Variants in KCND3 observed in about 807,000 individuals in gnomAD.
The protein encoded by KCND3 is A-type voltage-gated potassium channel KCND3.
In KCND3, 9 loss-of-function variants were observed where a neutral mutation model predicts 51.1. The observed-to-expected ratio is 0.18, with a 90% CI of 0.11 to 0.31. The LOEUF is 0.31. Ranked by LOEUF, KCND3 falls within the 10% of genes least tolerant of loss-of-function variation. KCND3 has a pLI of 1.00. For missense variants in KCND3, 526 were observed against 903.8 expected, an observed-to-expected ratio of 0.58 and a Z score of 5.36; for synonymous variants, 349 against 368.0, an observed-to-expected ratio of 0.95 and a Z score of 0.59.
intron 2 of KCND3, among the ~76,000 whole-genome samples, chr1:111,830,344 C>A (rs537075624): frequency 2.0e-5 from 3 of 152,228 alleles, no homozygotes; most frequent in South Asian, 2.1e-4. Context: ...GGGCCCAGTG[C>A]GGTTCCTCAG....
intron 2 of KCND3, among the ~76,000 whole-genome samples, chr1:111,843,553 C>T (rs1667421982): frequency 6.6e-6 from 1 of 152,152 alleles, no homozygotes; most frequent in African/African-American, 2.4e-5. Context: ...GGTGTCCACT[C>T]TTGCCTGGGT....
At chr1:111,785,419 C>A (rs539547577) in intron 3 of KCND3, among the ~76,000 whole-genome samples, 1 of 152,204 alleles carries the variant, frequency 6.6e-6, no homozygotes, top group South Asian at 2.1e-4. Flanking sequence ...GAAACCCTGA[C>A]CTTGGGTGAA....
At chr1:111,804,212 T>C (rs969686664) in intron 2 of KCND3, among the ~76,000 whole-genome samples, 3 of 152,238 alleles carry the variant, frequency 2.0e-5, no homozygotes, top group African/African-American at 7.2e-5. Context: ...GGCCAGGGAC[T>C]CTGCTGTTTC....
chr1:111,920,271 G>GT (rs765438543), intron 2 of KCND3, among the ~76,000 whole-genome samples: 4 of 152,188 alleles, frequency 2.6e-5, no homozygotes, highest in Non-Finnish European at 4.4e-5. Context: ...CCATCTGCAC[G>GT]TGAGTCCTGA....
At chr1:111,890,407 T>C (rs573514698) in intron 2 of KCND3, among the ~76,000 whole-genome samples, 4 of 152,112 alleles carry the variant, frequency 2.6e-5, no homozygotes, top group Admixed American at 1.3e-4. Flanking sequence ...AAGGATGGAG[T>C]TCTCCATCAA....
chr1:111,835,102 G>T (rs1667012214), intron 2 of KCND3, among the ~76,000 whole-genome samples: 1 of 152,202 alleles, frequency 6.6e-6, no homozygotes, highest in South Asian at 2.1e-4. Context: ...AACCTACAGA[G>T]ATTGAGGCAG....
At chr1:111,869,339 T>C (rs1668733648) in intron 2 of KCND3, among the ~76,000 whole-genome samples, 1 of 152,186 alleles carries the variant, frequency 6.6e-6, no homozygotes, top group South Asian at 2.1e-4. Flanking sequence ...ATCCTAGATA[T>C]GAGCTTCCTC....
At chr1:111,880,623 CT>C (rs1476509098) in intron 2 of KCND3, among the ~76,000 whole-genome samples, 1 of 152,070 alleles carries the variant, frequency 6.6e-6, no homozygotes, top group East Asian at 1.9e-4. Context: ...AGCACAATGT[CT>C]TAAGTAATAA....
chr1:111,981,459 C>T lies in KCND3; in HGVS notation c.1106+162G>A, dbSNP rs1674941321. Among the ~76,000 whole-genome samples the T allele has an allele frequency of 6.6e-6, 1 of 152,180 alleles. No individual in the cohort carries two copies. Among genetic ancestry groups the T allele is most frequent in the South Asian group, 2.1e-4 (1 of 4,832 alleles). On this transcript the variant is annotated intron_variant, in intron 2 of 7. Coordinates refer to ENST00000302127, the MANE Select transcript of KCND3 (RefSeq NM_001378969.1). The surrounding 1 kb of genome is among the most constrained non-coding windows in gnomAD (Gnocchi z 6.2). Reference sequence around the variant, plus strand: ...CAAGCTACCACCCCCAAACAGATGACTCATGGGCTTTACCCTTCGGATAGA... The same window carrying T: ...CAAGCTACCACCCCCAAACAGATGATTCATGGGCTTTACCCTTCGGATAGA...
chr1:111,903,985 G>T (rs888532620), intron 2 of KCND3, among the ~76,000 whole-genome samples: 2 of 152,168 alleles, frequency 1.3e-5, no homozygotes, highest in Non-Finnish European at 2.9e-5. Context: ...AGAAGTGAGC[G>T]GAAGGACAAG....
intron 2 of KCND3, among the ~76,000 whole-genome samples, chr1:111,880,989 C>G (rs1318733102): frequency 6.6e-6 from 1 of 152,194 alleles, no homozygotes; most frequent in African/African-American, 2.4e-5. Flanking sequence ...CTTCCCAACA[C>G]GACCTCCTCT....
intron 2 of KCND3, among the ~76,000 whole-genome samples, chr1:111,820,991 C>CTT (rs1666323806): frequency 1.3e-5 from 2 of 152,344 alleles, no homozygotes; most frequent in South Asian, 4.1e-4. Flanking sequence ...TAACCTTGGA[C>CTT]TTCCAGCCTC....
intron 2 of KCND3, among the ~76,000 whole-genome samples, chr1:111,860,092 C>T (rs551669147): frequency 1.8e-4 from 28 of 152,288 alleles, no homozygotes; most frequent in African/African-American, 3.8e-4. Flanking sequence ...CAAGTTTCAC[C>T]GTCTTAGATA....
At position 111,831,714 on chromosome 1, in the gene KCND3, T is replaced by C. The variant is rs1285932500; in HGVS notation, c.1107-44608A>G. On this transcript the variant is annotated intron_variant, in intron 2 of 7. Transcript: ENST00000302127. ...GTTCTCAAATGTGGATCCACAGATC[T>C]ATACTGAGCTGGCCCCACGAGAATC... Among the ~76,000 whole-genome samples the C allele has an allele frequency of 3.9e-5, 6 of 152,220 alleles. No homozygotes were observed. The South Asian group carries it at 6.2e-4, about 16-fold the overall frequency.
At chr1:111,965,420 C>A (rs896478888) in intron 2 of KCND3, among the ~76,000 whole-genome samples, 2 of 111,574 alleles carry the variant, frequency 1.8e-5, no homozygotes, top group African/African-American at 6.1e-5. Context: ...CCTCCCCGAC[C>A]CCTTATGGCC....
intron 2 of KCND3, among the ~76,000 whole-genome samples, chr1:111,881,305 G>C (rs562244332): frequency 6.6e-6 from 1 of 152,116 alleles, no homozygotes; most frequent in Non-Finnish European, 1.5e-5. Context: ...TGAGCTCCTC[G>C]GCTCTCTCCC....
chr1:111,894,221 G>A (rs919362899), intron 2 of KCND3, among the ~76,000 whole-genome samples: 2 of 152,080 alleles, frequency 1.3e-5, no homozygotes, highest in East Asian at 1.9e-4. Context: ...CCAGCCTCAC[G>A]GCCTCCCTCC....
chr1:111,808,686 C>T (rs1665692471), intron 2 of KCND3, among the ~76,000 whole-genome samples: 1 of 152,236 alleles, frequency 6.6e-6, no homozygotes, highest in Admixed American at 6.5e-5. Context: ...AGCTTCTCAT[C>T]TCAGCTCATT....
chr1:111,790,275 C>T (rs1324998988), intron 2 of KCND3, among the ~76,000 whole-genome samples: 1 of 152,112 alleles, frequency 6.6e-6, no homozygotes, highest in Non-Finnish European at 1.5e-5. Context: ...GGTTTTATAT[C>T]CCCAGGGTTG....
Sources: allele counts gnomAD v4.1 joint callset (sites outside exome capture counted in the v4.1 genomes callset), GRCh38; gene constraint gnomAD v4.1.1; non-coding constraint Gnocchi (gnomAD v3.1); transcripts MANE v1.5; gene names NCBI Gene and HGNC (gene_info 2026-07-23, HGNC 2026-07-21).